GLB1: variants seen among roughly 807,000 people sequenced by gnomAD.
GLB1 encodes the protein galactosidase beta 1.
Under a neutral mutation model 74.0 loss-of-function variants are expected in GLB1, and 56 were observed. The ratio of observed to expected loss-of-function variants is 0.76; its 90% CI spans 0.61 to 0.94. The LOEUF is 0.94. GLB1 is among the 40% of genes least tolerant of loss of function. GLB1 has a pLI of 0.00. For missense variants in GLB1, 787 were observed against 845.5 expected (o/e 0.93, Z 0.86); for synonymous variants, 323 against 323.6 (o/e 1.00, Z 0.02).
chr3:33,002,330 T>TCCCTCCCTCCCC (rs1696606448), intron 15 of GLB1, among the ~76,000 whole-genome samples: 3 of 102,940 alleles, frequency 2.9e-5, no homozygotes, highest in South Asian at 3.9e-4. Context: ...AAAGTCTCCC[T>TCCCTCCCTCCCC]CCCTCCCTCC....
intron 9 of GLB1, 132 bp downstream of exon 9, chr3:33,051,617 AAAGAAAAAG>A: frequency 8.3e-7 from 1 of 1,204,064 alleles, no homozygotes; most frequent in Non-Finnish European, 1.1e-6. Context: ...AAAAAAAAAA[AAAGAAAAAG>A]AAAAAAAAAG....
intron 15 of GLB1, among the ~76,000 whole-genome samples, chr3:33,005,597 A>G (rs995767521): frequency 2.6e-5 from 4 of 152,130 alleles, no homozygotes; most frequent in Non-Finnish European, 1.5e-5. Context: ...GCTGGGCTCA[A>G]GCAATCCTCC....
At chr3:32,985,458 T>G in the GLB1 span, among the ~76,000 whole-genome samples, 1 of 151,326 alleles carries the variant, frequency 6.6e-6, no homozygotes, top group Non-Finnish European at 1.5e-5. Flanking sequence ...TCCCAGCTAA[T>G]TTTTTGGACT....
intron 2 of GLB1, among the ~76,000 whole-genome samples, chr3:33,069,843 T>A (rs1699827113): frequency 6.6e-6 from 1 of 152,174 alleles, no homozygotes; most frequent in African/African-American, 2.4e-5. Flanking sequence ...GGTTCAGGGG[T>A]ACATGTGCAG....
chr3:33,075,352 G>T (rs975176598), intron 1 of GLB1, among the ~76,000 whole-genome samples: 1 of 152,200 alleles, frequency 6.6e-6, no homozygotes, highest in African/African-American at 2.4e-5. Flanking sequence ...AGGAGCAGGA[G>T]ATAAGGCTGG....
chr3:32,987,990 CCTGA>C, the GLB1 span, among the ~76,000 whole-genome samples: 1 of 151,796 alleles, frequency 6.6e-6, no homozygotes, highest in African/African-American at 2.4e-5. Context: ...TTTGAGACCA[CCTGA>C]CTAACATGGT....
the GLB1 span, among the ~76,000 whole-genome samples, chr3:32,982,519 C>G: frequency 2.0e-5 from 3 of 151,900 alleles, no homozygotes; most frequent in Non-Finnish European, 4.4e-5. Flanking sequence ...AAAAAAACCA[C>G]AAAGACAAAC....
Position 33,039,754 on chromosome 3 carries a change from G to A in GLB1, c.1068+6366C>T, listed in dbSNP as rs1217489215. Among the ~76,000 whole-genome samples the A allele has an allele frequency of 3.3e-5, 5 of 152,128 alleles. No individual in the cohort carries two copies. The East Asian group carries it at 7.7e-4, about 23-fold the overall frequency. ...TTCTAAAATCCACAAAAGAAATAATGCCATAGATTTAGGAAGTTCAAACAC... is the reference window on the plus strand; with the variant it reads ...TTCTAAAATCCACAAAAGAAATAATACCATAGATTTAGGAAGTTCAAACAC... On this transcript the variant is annotated intron_variant, in intron 10 of 15. Coordinates refer to ENST00000307363, the MANE Select transcript of GLB1 (RefSeq NM_000404.4).
the GLB1 span, among the ~76,000 whole-genome samples, chr3:32,974,700 T>C: frequency 6.6e-6 from 1 of 152,086 alleles, no homozygotes; most frequent in Admixed American, 6.6e-5. Flanking sequence ...AAAGAGTTGA[T>C]GTTTCCATTA....
rs190251394 is a variant in GLB1 at position 33,007,172 on chromosome 3, C to T, written c.1734+6884G>A. 3.1e-3 allele frequency among the ~76,000 whole-genome samples: 474 copies of T among 152,324 alleles called. 5 individuals are homozygous for T. The highest frequency in any genetic ancestry group is 0.019 in the South Asian group (92 of 4,822). ...GTGTGTACCCTTGGACCTTCACACG[C>T]ATTCAGTCCAAAGTCCACAAACTTC... is the stretch of plus-strand genomic sequence containing the variant. On this transcript the variant is annotated intron_variant, in intron 15 of 15. Transcript: ENST00000307363.
chr3:33,008,678 T>C (rs1696883744), intron 15 of GLB1, among the ~76,000 whole-genome samples: 1 of 152,112 alleles, frequency 6.6e-6, no homozygotes, highest in East Asian at 1.9e-4. Flanking sequence ...CCACGATGAA[T>C]GCGCTGAGAA....
At chr3:33,066,816 T>C (rs1699701868) in intron 4 of GLB1, among the ~76,000 whole-genome samples, 1 of 152,126 alleles carries the variant, frequency 6.6e-6, no homozygotes, top group Non-Finnish European at 1.5e-5. Context: ...AAAGATTAAA[T>C]GAGTTACCAC....
chr3:33,050,777 T>C (rs897681405), intron 9 of GLB1, among the ~76,000 whole-genome samples: 2 of 152,176 alleles, frequency 1.3e-5, no homozygotes, highest in African/African-American at 4.8e-5. Flanking sequence ...AATTTTATGG[T>C]TTGTGAATTA....
At chr3:33,061,014 G>C (rs758591960) in intron 5 of GLB1, among the ~76,000 whole-genome samples, 9 of 152,172 alleles carry the variant, frequency 5.9e-5, no homozygotes, top group Non-Finnish European at 1.3e-4. Flanking sequence ...CTGGGGGTAG[G>C]TGAGACACAC....
chr3:33,044,562 T>G (rs552822669), intron 10 of GLB1, among the ~76,000 whole-genome samples: 3 of 152,102 alleles, frequency 2.0e-5, no homozygotes, highest in Non-Finnish European at 4.4e-5. Context: ...GAGACATTAC[T>G]ATAAATTCTG....
At chr3:32,983,945 A>G in the GLB1 span, among the ~76,000 whole-genome samples, 2 of 151,944 alleles carry the variant, frequency 1.3e-5, no homozygotes, top group African/African-American at 2.4e-5. Context: ...TCAGCCTCCC[A>G]AAGTGCTGGG....
At chr3:33,043,332 GTGTT>G (rs1319434236) in intron 10 of GLB1, among the ~76,000 whole-genome samples, 2 of 152,206 alleles carry the variant, frequency 1.3e-5, no homozygotes, top group African/African-American at 4.8e-5. Context: ...GGGGAGCTAT[GTGTT>G]TGTCACAGGG....
rs764408792 is a variant in GLB1 at position 33,014,353 on chromosome 3, A to C, written c.1480-43T>G. 3 of 1,605,296 alleles carry C rather than the reference A, an allele frequency of 1.9e-6. No individual in the cohort carries two copies. The Admixed American group carries it at 5.1e-5, about 27-fold the overall frequency. On this transcript the variant is annotated intron_variant, in intron 14 of 15. Transcript: ENST00000307363. The stretch of plus-strand genomic sequence containing the variant: ...AGCACAGTGAGCTGGGGAGGGAAGG[A>C]AAAAGGCTTCACATGTCTCTGCATT...
chr3:33,001,353 A>C (rs1696561723), intron 15 of GLB1, among the ~76,000 whole-genome samples: 1 of 151,966 alleles, frequency 6.6e-6, no homozygotes, highest in Admixed American at 6.6e-5. Flanking sequence ...GAGAAGCTGG[A>C]TCTTCAGATG....
Sources: gnomAD v4.1 joint callset for allele counts (sites outside exome capture counted in the v4.1 genomes callset) on GRCh38, gnomAD v4.1.1 for gene constraint, MANE v1.5 for transcripts, NCBI Gene and HGNC (gene_info 2026-07-23, HGNC 2026-07-21) for gene names.